Variants in TAX1BP1 observed in about 807,000 individuals in gnomAD.
The protein encoded by TAX1BP1 is tax1-binding protein 1.
In TAX1BP1, 62 loss-of-function variants were observed where a neutral mutation model predicts 97.7. The observed-to-expected ratio is 0.63, with a 90% confidence interval of 0.52 to 0.78. TAX1BP1 has a LOEUF of 0.78. Ranked by LOEUF, TAX1BP1 falls within the 30% of genes least tolerant of loss-of-function variation. The pLI is 0.00. For missense variants in TAX1BP1, 867 were observed against 916.1 expected, an observed-to-expected ratio of 0.95 and a Z score of 0.69; for synonymous variants, 340 against 304.2, an observed-to-expected ratio of 1.12 and a Z score of -1.23.
chr7:27,816,838 T>C, intron 14 of TAX1BP1, 52 bp from the exon 15 acceptor site: 4 of 1,600,250 alleles, frequency 2.5e-6, no homozygotes, highest in Non-Finnish European at 2.6e-6. Context: ...TATATACAGA[T>C]GTTAGTTGTA....
chr7:27,765,203 A>G (rs1026095001), intron 3 of TAX1BP1, among the ~76,000 whole-genome samples: 7 of 150,224 alleles, frequency 4.7e-5, no homozygotes, highest in African/African-American at 1.7e-4. Context: ...TTTTGTAGTG[A>G]CAGGGTTTCA....
chr7:27,775,437 G>A (rs140968435), intron 5 of TAX1BP1, among the ~76,000 whole-genome samples: 1 of 152,146 alleles, frequency 6.6e-6, no homozygotes, highest in East Asian at 1.9e-4. Context: ...TTTGAGTTGC[G>A]GGAACTTAAG....
intron 13 of TAX1BP1, among the ~76,000 whole-genome samples, chr7:27,808,545 G>A (rs764284561): frequency 6.6e-5 from 10 of 152,106 alleles, no homozygotes; most frequent in African/African-American, 1.2e-4. Flanking sequence ...TGTACTCTCC[G>A]CGCTCCTTTA....
chr7:27,748,496 T>G (rs1375345794), intron 1 of TAX1BP1, 22 bp from the exon 2 acceptor site: 3 of 1,533,066 alleles, frequency 2.0e-6, no homozygotes, highest in Non-Finnish European at 2.7e-6. Flanking sequence ...ATAATTTAAC[T>G]TGTATGAATT....
intron 3 of TAX1BP1, among the ~76,000 whole-genome samples, chr7:27,761,563 A>G (rs546015103): frequency 1.3e-5 from 2 of 152,340 alleles, no homozygotes; most frequent in South Asian, 4.1e-4. Flanking sequence ...GTAAAATGTC[A>G]TAGAGTTGGA....
At chr7:27,775,796 G>A (rs1024775556) in intron 5 of TAX1BP1, among the ~76,000 whole-genome samples, 5 of 152,170 alleles carry the variant, frequency 3.3e-5, no homozygotes, top group African/African-American at 9.6e-5. Context: ...AGACTATCAG[G>A]GTCAGAATAA....
rs780286506 is a variant in TAX1BP1, at chr7:27,816,905, C to G, written c.1952C>G (p.Ala651Gly). 2 of 1,613,722 alleles carry G rather than the reference C, an allele frequency of 1.2e-6. No individual in the cohort carries two copies. The highest frequency in any genetic ancestry group is 2.7e-5 in the African/African-American group (2 of 74,872). ...SQETRDGADG[A>G]FYPDEIQRPP... ...TTTATTACAGATGGAGCAGATGGTG[C>G]TTTTTACCCAGATGAAATACAAAGG... is the stretch of plus-strand genomic sequence containing the variant. Residue 651 changes from alanine to glycine, a missense_variant, in exon 15 of 17, where the codon GCT (alanine) becomes GGT (glycine). Coordinates refer to ENST00000396319, the MANE Select transcript of TAX1BP1 (RefSeq NM_006024.7).
chr7:27,804,020 G>T (rs1790243104), intron 13 of TAX1BP1, among the ~76,000 whole-genome samples: 1 of 151,954 alleles, frequency 6.6e-6, no homozygotes, highest in Admixed American at 6.6e-5. Context: ...AATTTTTTTT[G>T]CCATTGATAA....
chr7:27,742,759 C>G (rs998511916), intron 1 of TAX1BP1, among the ~76,000 whole-genome samples: 6 of 152,332 alleles, frequency 3.9e-5, no homozygotes, highest in African/African-American at 1.4e-4. Flanking sequence ...AGCCACCGCA[C>G]CCAGCCCATC....
intron 8 of TAX1BP1, among the ~76,000 whole-genome samples, chr7:27,790,012 A>G (rs1789642109): frequency 6.6e-6 from 1 of 151,984 alleles, no homozygotes; most frequent in African/African-American, 2.4e-5. Context: ...AGATTGTGAA[A>G]GTAGTTTGAG....
chr7:27,767,383 A>G (rs1788685133), intron 4 of TAX1BP1, among the ~76,000 whole-genome samples: 1 of 152,162 alleles, frequency 6.6e-6, no homozygotes, highest in African/African-American at 2.4e-5. Flanking sequence ...TGGAGTAAAA[A>G]GACAAGAGGT....
chr7:27,739,468 T>C (rs868069508), upstream of TAX1BP1: 3 of 152,130 alleles, frequency 2.0e-5, no homozygotes, highest in African/African-American at 7.2e-5. Context: ...AGGCAACATA[T>C]ACAACAAGCA....
In TAX1BP1 at chr7:27,816,900, T is replaced by C; in HGVS notation, c.1947T>C (p.Asp649=). Residue 649 remains aspartate (D), a synonymous_variant, in exon 15 of 17, where the codon GAT becomes GAC. Transcript: ENST00000396319. The stretch of plus-strand genomic sequence containing the variant: ...AAAATTTTATTACAGATGGAGCAGA[T>C]GGTGCTTTTTACCCAGATGAAATAC... ...YASQETRDGA[D]GAFYPDEIQR... 2 of 1,614,002 alleles carry C rather than the reference T, an allele frequency of 1.2e-6. No individual in the cohort carries two copies. Among genetic ancestry groups the C allele is most frequent in the Non-Finnish European group, 1.7e-6 (2 of 1,179,978 alleles).
intron 2 of TAX1BP1, among the ~76,000 whole-genome samples, chr7:27,752,729 T>G (rs1236679146): frequency 2.6e-5 from 4 of 152,220 alleles, no homozygotes; most frequent in Non-Finnish European, 5.9e-5. Context: ...GTTGGGAATT[T>G]TATACATTCA....
At chr7:27,821,541 A>G (rs1424397006) in intron 15 of TAX1BP1, among the ~76,000 whole-genome samples, 1 of 151,802 alleles carries the variant, frequency 6.6e-6, no homozygotes, top group Non-Finnish European at 1.5e-5. Context: ...AGGCTGAGGC[A>G]TGAGAATTGT....
Position 27,815,328 on chromosome 7 carries a change from T to TA in TAX1BP1, c.1765-1013dup, listed in dbSNP as rs375996557. Among the ~76,000 whole-genome samples, 1,146 of 152,088 alleles carry TA rather than the reference T, an allele frequency of 7.5e-3. 15 individuals carry two copies. The highest frequency in any genetic ancestry group is 0.026 in the African/African-American group (1,097 of 41,494). On this transcript the variant is annotated intron_variant, in intron 13 of 16. Coordinates refer to ENST00000396319, the MANE Select transcript of TAX1BP1 (RefSeq NM_006024.7). ...TTTTTATTCTTTAGTTTCTGAGATT[T>TA]AAAAAAAATCATGAATGACTTGAAT...
intron 14 of TAX1BP1, 34 bp from the exon 15 acceptor site, chr7:27,816,856 G>A (rs1790786302): frequency 1.9e-6 from 3 of 1,611,980 alleles, no homozygotes; most frequent in Non-Finnish European, 8.5e-7. Flanking sequence ...GTAGTAACCA[G>A]TTTCACTCTA....
At chr7:27,760,708 G>T (rs922096107) in intron 3 of TAX1BP1, among the ~76,000 whole-genome samples, 2 of 152,086 alleles carry the variant, frequency 1.3e-5, no homozygotes, top group African/African-American at 4.8e-5. Flanking sequence ...AATTTTTACA[G>T]TGATCCCTCC....
At chr7:27,802,587 TAGTTTCTA>T (rs770774557) in intron 13 of TAX1BP1, among the ~76,000 whole-genome samples, 73 of 152,334 alleles carry the variant, frequency 4.8e-4, no homozygotes, top group Non-Finnish European at 8.7e-4. Context: ...TATTCCAATA[TAGTTTCTA>T]AGCTTTAGTC....
Sources: gnomAD v4.1 joint callset for allele counts (sites outside exome capture counted in the v4.1 genomes callset) on GRCh38, gnomAD v4.1.1 for gene constraint, MANE v1.5 for transcripts, NCBI Gene and HGNC (gene_info 2026-07-23, HGNC 2026-07-21) for gene names.